Variants in MRPS21 observed in about 807,000 individuals in gnomAD.
The protein encoded by MRPS21 is mitochondrial ribosomal protein S21.
MRPS21 carries 8 observed loss-of-function variants against 9.9 expected under a neutral mutation model. That is an observed-to-expected ratio of 0.81 (90% CI 0.47 to 1.45). The LOEUF (loss-of-function observed/expected upper bound fraction) is 1.45, where lower values mean the gene tolerates loss of function less well. Among genes scored for constraint, MRPS21 ranks in the 40% most tolerant of loss-of-function variants. The pLI is 0.00. For synonymous variants in MRPS21, 40 were observed against 40.3 expected (o/e 0.99, Z 0.03); for missense variants, 101 against 118.9 (o/e 0.85, Z 0.70).
chr1:150,305,196 T>C (rs1284352943), intron 2 of MRPS21, among the ~76,000 whole-genome samples: 10 of 55,780 alleles, frequency 1.8e-4, no homozygotes, highest in Non-Finnish European at 3.7e-4. Context: ...TGTGCCACCA[T>C]GTCTGGTTAA....
chr1:150,303,648 C>G (rs1394995123), intron 2 of MRPS21, among the ~76,000 whole-genome samples: 1 of 152,196 alleles, frequency 6.6e-6, no homozygotes, highest in Non-Finnish European at 1.5e-5. Context: ...GGGTCAGCCT[C>G]TCTGAACTTC....
intron 2 of MRPS21, among the ~76,000 whole-genome samples, chr1:150,302,551 C>G (rs1254067651): frequency 1.3e-5 from 2 of 152,140 alleles, no homozygotes; most frequent in African/African-American, 2.4e-5. Flanking sequence ...CACCTCCCCC[C>G]GCTCCAGGCA....
chr1:150,304,348 C>G (rs1351340760), intron 2 of MRPS21, among the ~76,000 whole-genome samples: 1 of 151,940 alleles, frequency 6.6e-6, no homozygotes, highest in East Asian at 1.9e-4. Context: ...TTGGTTGTCC[C>G]TGGACCATCA....
At chr1:150,294,195 T>C (rs782429327) in intron 1 of MRPS21, 140 bp from the exon 2 acceptor site, 1 of 589,174 alleles carries the variant, frequency 1.7e-6, no homozygotes. Flanking sequence ...GTCTACTTTC[T>C]AGGATGACTT....
chr1:150,306,305 C>G (rs1261017104), intron 2 of MRPS21, among the ~76,000 whole-genome samples: 1 of 76,940 alleles, frequency 1.3e-5, no homozygotes, highest in African/African-American at 9.3e-5. Context: ...TTCCTTGAGA[C>G]AAGAGTCTGT....
At chr1:150,297,938 C>CG (rs1553856866) in intron 2 of MRPS21, among the ~76,000 whole-genome samples, 9 of 148,274 alleles carry the variant, frequency 6.1e-5, no homozygotes, top group Admixed American at 1.3e-4. Context: ...ACAAAATGAA[C>CG]TTTTTTTTTT....
intron 2 of MRPS21, among the ~76,000 whole-genome samples, chr1:150,303,118 G>C (rs1654206876): frequency 6.6e-6 from 1 of 152,026 alleles, no homozygotes; most frequent in Non-Finnish European, 1.5e-5. Flanking sequence ...ACTCCAGTAG[G>C]GTTCCTTGAG....
intron 2 of MRPS21, among the ~76,000 whole-genome samples, chr1:150,306,188 A>G (rs1239264113): frequency 6.6e-6 from 1 of 152,242 alleles, no homozygotes; most frequent in Admixed American, 6.5e-5. Flanking sequence ...AGGGCAACCT[A>G]CTTATTCACA....
At chr1:150,301,935 G>C (rs587667122) in intron 2 of MRPS21, among the ~76,000 whole-genome samples, 25 of 152,274 alleles carry the variant, frequency 1.6e-4, no homozygotes, top group African/African-American at 5.8e-4. Context: ...TTTCAAGCTT[G>C]CATACGTGAG....
intron 2 of MRPS21, among the ~76,000 whole-genome samples, chr1:150,301,564 C>T (rs1252828061): frequency 1.3e-5 from 2 of 152,024 alleles, no homozygotes; most frequent in African/African-American, 4.8e-5. Context: ...ATTATAGCTT[C>T]GCGGGGCAGG....
chr1:150,298,958 G>A (rs1654014533), intron 2 of MRPS21, among the ~76,000 whole-genome samples: 1 of 152,154 alleles, frequency 6.6e-6, no homozygotes. Context: ...CCTCAGTCTT[G>A]TATTCTCAGC....
chr1:150,303,667 C>T (rs1654222288), intron 2 of MRPS21, among the ~76,000 whole-genome samples: 2 of 152,272 alleles, frequency 1.3e-5, no homozygotes, highest in South Asian at 2.1e-4. Flanking sequence ...TCAGTTTCCT[C>T]ATCTATAAAA....
At chr1:150,296,896 G>T (rs1367309009) in intron 2 of MRPS21, among the ~76,000 whole-genome samples, 6 of 152,092 alleles carry the variant, frequency 3.9e-5, no homozygotes, top group Admixed American at 3.3e-4. Flanking sequence ...TATTGGTAGG[G>T]TTCTTGAGGA....
chr1:150,306,794 G>A (rs1654347564), intron 2 of MRPS21, among the ~76,000 whole-genome samples: 1 of 152,028 alleles, frequency 6.6e-6, no homozygotes, highest in Non-Finnish European at 1.5e-5. Context: ...CAGCCTGACA[G>A]GATGGAACTT....
At chr1:150,300,961 G>T (rs587717050) in intron 2 of MRPS21, among the ~76,000 whole-genome samples, 1 of 152,126 alleles carries the variant, frequency 6.6e-6, no homozygotes. Flanking sequence ...ACTTTGGGAG[G>T]CCGAGGCGGG....
intron 2 of MRPS21, among the ~76,000 whole-genome samples, chr1:150,294,967 G>A (rs1653862101): frequency 6.8e-6 from 1 of 147,836 alleles, no homozygotes; most frequent in Admixed American, 6.8e-5. Context: ...ATCACCCCCC[G>A]CACCTCCCCG....
At position 150,308,180 on chromosome 1, in the gene MRPS21, C is replaced by T. The variant is rs587614707; in HGVS notation, c.216C>T (p.Ile72=). The stretch of plus-strand genomic sequence containing the variant: ...ACAACATGGAAATGGCTCGCAAGAT[C>T]AACTTCTTGATGCGAAAGAATCGGG... ...RIYNMEMARK[I]NFLMRKNRAD... The change falls in exon 3 of 3, where the codon ATC becomes ATT. Residue 72 remains isoleucine, a synonymous_variant. Coordinates refer to ENST00000614145, the MANE Select transcript of MRPS21 (RefSeq NM_031901.6). The T allele has an allele frequency of 1.2e-6, 2 of 1,606,462 alleles. No individual in the cohort carries two copies. Among genetic ancestry groups the T allele is most frequent in the African/African-American group, 2.7e-5 (2 of 74,962 alleles).
chr1:150,298,402 C>G (rs1442213885), intron 2 of MRPS21, among the ~76,000 whole-genome samples: 1 of 152,108 alleles, frequency 6.6e-6, no homozygotes, highest in Non-Finnish European at 1.5e-5. Flanking sequence ...TTAGATAGGT[C>G]TTCTGGCCAT....
intron 2 of MRPS21, 37 bp downstream of exon 2, chr1:150,294,486 CTG>C (rs1560060530): frequency 1.3e-6 from 2 of 1,532,644 alleles, no homozygotes; most frequent in Non-Finnish European, 1.8e-6. Context: ...CCTAGACTCT[CTG>C]GGAAGTGCGG....
Sources: gnomAD v4.1 joint callset for allele counts (sites outside exome capture counted in the v4.1 genomes callset) on GRCh38, gnomAD v4.1.1 for gene constraint, MANE v1.5 for transcripts, NCBI Gene and HGNC (gene_info 2026-07-23, HGNC 2026-07-21) for gene names.